Variants in SLC17A4 observed in about 807,000 individuals in gnomAD.
SLC17A4 encodes probable small intestine urate exporter.
Under a neutral mutation model 52.5 loss-of-function variants are expected in SLC17A4, and 33 were observed. The ratio of observed to expected loss-of-function variants is 0.63; its 90% CI spans 0.48 to 0.84. SLC17A4 has a LOEUF of 0.84. Ranked by LOEUF, SLC17A4 falls within the 40% of genes least tolerant of loss-of-function variation. The pLI, the probability that SLC17A4 is intolerant of heterozygous loss-of-function variation, is 0.00. For synonymous variants in SLC17A4, 225 were observed against 216.2 expected (o/e 1.04, Z -0.36); for missense variants, 585 against 597.1 (o/e 0.98, Z 0.21).
intron 3 of SLC17A4, among the ~76,000 whole-genome samples, chr6:25,769,840 C>T (rs144097098): frequency 1.5e-3 from 221 of 151,736 alleles, no homozygotes; most frequent in African/African-American, 4.6e-3. Flanking sequence ...TGTTTCTTTA[C>T]GAACTCTCTT....
At chr6:25,761,893 C>T in intron 1 of SLC17A4, 34 bp from the exon 2 acceptor site, 1 of 1,261,218 alleles carries the variant, frequency 7.9e-7, no homozygotes, top group East Asian at 2.4e-5. Flanking sequence ...ATAAGATTCT[C>T]CCTGTATTTT....
At chr6:25,778,356 CA>C (rs1263659258) in intron 11 of SLC17A4, among the ~76,000 whole-genome samples, 3 of 151,812 alleles carry the variant, frequency 2.0e-5, no homozygotes, top group East Asian at 3.9e-4. Context: ...ACTGGTAAAT[CA>C]GAAAAATAAA....
At chr6:25,777,757 C>A (rs1420452989) in intron 10 of SLC17A4, 169 bp from the exon 11 acceptor site, 4 of 589,180 alleles carry the variant, frequency 6.8e-6, no homozygotes, top group Non-Finnish European at 1.2e-5. Context: ...CAGGTTTCAC[C>A]AAGGCTTACA....
rs1763194651 is a variant in SLC17A4, at chr6:25,779,382, AG to A, written c.*195del. 1.6e-6 allele frequency: 1 copy of A among 625,058 alleles called. No individual in the cohort carries two copies. The highest frequency in any genetic ancestry group is 1.9e-5 in the African/African-American group (1 of 53,576). The allele number at this position is 625,058 out of a possible 1,614,324, so 38.7% of individuals were successfully genotyped here. A position where few individuals can be genotyped will look rare whatever the true frequency, so the allele number is the denominator to read the frequency against. On this transcript the variant is annotated 3_prime_UTR_variant, in exon 12 of 12. Transcript: ENST00000377905. ...AGTTATTTAACTGCAAGCTACTAAA[AG>A]CATAGGTGTGTTGAGATTTCTGTGT...
chr6:25,758,640 C>T (rs1318725922), intron 1 of SLC17A4, among the ~76,000 whole-genome samples: 1 of 152,124 alleles, frequency 6.6e-6, no homozygotes, highest in African/African-American at 2.4e-5. Flanking sequence ...TTTAATATCT[C>T]CCGTTTTGTT....
Position 25,761,881 on chromosome 6 carries a change from A to T in SLC17A4, c.-36-46A>T, listed in dbSNP as rs74768948. 4.6e-4 allele frequency: 523 copies of T among 1,138,192 alleles called. 3 individuals are homozygous for T. The African/African-American group carries it at 7.1e-3, about 15-fold the overall frequency. 70.5% of individuals were successfully genotyped at this position (1,138,192 alleles called of 1,614,324 possible). On this transcript the variant is annotated intron_variant, in intron 1 of 11. Transcript: ENST00000377905. ...TCTTAGAAAGAATTGGGGTAATATC[A>T]TATAAGATTCTCCCTGTATTTTCTT...
At chr6:25,766,305 A>G (rs143023883) in intron 2 of SLC17A4, among the ~76,000 whole-genome samples, 1,936 of 152,168 alleles carry the variant, frequency 0.013, 19 homozygotes, top group Non-Finnish European at 0.014. Context: ...AAACAAATAT[A>G]TTCTAGTAGT....
chr6:25,778,129 A>C (rs1257126581), intron 11 of SLC17A4, 113 bp downstream of exon 11: 6 of 659,234 alleles, frequency 9.1e-6, no homozygotes, highest in Non-Finnish European at 1.5e-5. Context: ...GTCAAAAATA[A>C]ACTAATTTAC....
chr6:25,764,470 C>T (rs1039917963), intron 2 of SLC17A4, among the ~76,000 whole-genome samples: 2 of 152,204 alleles, frequency 1.3e-5, no homozygotes, highest in African/African-American at 4.8e-5. Context: ...TGAGAAAGTA[C>T]TTCCAACTAG....
intron 1 of SLC17A4, among the ~76,000 whole-genome samples, chr6:25,757,373 G>A (rs916587371): frequency 5.3e-5 from 8 of 151,808 alleles, no homozygotes; most frequent in Admixed American, 3.3e-4. Flanking sequence ...CTTTACATCT[G>A]CTTGGTGCTG....
chr6:25,774,744 G>C (rs1762757465), intron 8 of SLC17A4, among the ~76,000 whole-genome samples: 1 of 152,210 alleles, frequency 6.6e-6, no homozygotes, highest in Non-Finnish European at 1.5e-5. Flanking sequence ...ATGGGAAAAT[G>C]AATGGAAAGA....
chr6:25,772,290 T>C (rs1046745499), intron 6 of SLC17A4, among the ~76,000 whole-genome samples: 4 of 152,190 alleles, frequency 2.6e-5, no homozygotes, highest in African/African-American at 9.6e-5. Flanking sequence ...AATATTAACA[T>C]CCTCCAACCC....
chr6:25,769,190 G>C lies in SLC17A4; in HGVS notation c.297G>C (p.Met99Ile). ...AAACTCTAAAAGAATTTAAAGCAAT[G>C]GTAAGTTTAATGAGACTCTGGACTC... ...WNETLKEFKA[M>I]APAYDWSPEI... Residue 99 changes from methionine (M) to isoleucine (I), a missense_variant and splice_region_variant, in exon 3 of 12, where the codon ATG becomes ATC. Coordinates refer to ENST00000377905, the MANE Select transcript of SLC17A4 (RefSeq NM_005495.3). 1 of 1,613,120 alleles carries C rather than the reference G, an allele frequency of 6.2e-7. No homozygotes were observed. The highest frequency in any genetic ancestry group is 8.5e-7 in the Non-Finnish European group (1 of 1,179,278).
chr6:25,775,176 C>T (rs1762800822), intron 8 of SLC17A4, among the ~76,000 whole-genome samples: 1 of 151,836 alleles, frequency 6.6e-6, no homozygotes, highest in African/African-American at 2.4e-5. Flanking sequence ...ACTAAAACTA[C>T]AAAAAATTAG....
Position 25,761,938 on chromosome 6 carries a change from C to G in SLC17A4, c.-25C>G, listed in dbSNP as rs759145468. On this transcript the variant is annotated 5_prime_UTR_variant, in exon 2 of 12. Coordinates refer to ENST00000377905, the MANE Select transcript of SLC17A4 (RefSeq NM_005495.3). ...TCTTTTTATTTCAGTAAGTAAATGC[C>G]AGTCCCTAGGAAGAGAGAACCAAAA... The G allele has an allele frequency of 1.7e-5, 27 of 1,584,544 alleles. No homozygotes were observed. The Admixed American group carries it at 2.5e-4, about 15-fold the overall frequency.
In SLC17A4 at chr6:25,770,075, A is replaced by G. The variant is rs769520943; in HGVS notation, c.306A>G (p.Ala102=). The part of the protein sequence containing the change: ...TLKEFKAMAP[A]YDWSPEIQGI... ...CTCTCTTTGTCATCTAGGCCCCTGC[A>G]TATGACTGGAGTCCTGAAATCCAGG... Residue 102 remains alanine, a synonymous_variant, in exon 4 of 12, where the codon GCA becomes GCG. Coordinates refer to ENST00000377905, the MANE Select transcript of SLC17A4 (RefSeq NM_005495.3). 14 of 1,613,864 alleles carry G rather than the reference A, an allele frequency of 8.7e-6. No individual in the cohort carries two copies. In the East Asian group the frequency reaches 3.1e-4, roughly 36 times the overall value.
Position 25,780,836 on chromosome 6 carries a change from G to A in SLC17A4, c.*1648G>A, listed in dbSNP as rs557140161. On this transcript the variant is annotated 3_prime_UTR_variant, in exon 12 of 12. Transcript: ENST00000377905. ...ATTTGATTTAGGGAATAAACCTGAC[G>A]GGTCCTATTACTAAGTGAGAGAGTG... The A allele has an allele frequency of 1.3e-5, 2 of 152,244 alleles. No individual in the cohort carries two copies. Among genetic ancestry groups the A allele is most frequent in the South Asian group, 2.1e-4 (1 of 4,816 alleles). The allele number at this position is 152,244 out of a possible 1,614,324, so 9.4% of individuals were successfully genotyped here.
chr6:25,759,354 T>G (rs1429722980), intron 1 of SLC17A4, among the ~76,000 whole-genome samples: 2 of 152,234 alleles, frequency 1.3e-5, no homozygotes, highest in Admixed American at 6.5e-5. Context: ...GTTTCTTTGC[T>G]GACTTTCTGT....
intron 8 of SLC17A4, 143 bp from the exon 9 acceptor site, chr6:25,776,452 C>A: frequency 1.1e-6 from 1 of 945,326 alleles, no homozygotes; most frequent in Non-Finnish European, 1.5e-6. Flanking sequence ...AGTATATTGG[C>A]TCATTATAGT....
Sources: allele counts gnomAD v4.1 joint callset (sites outside exome capture counted in the v4.1 genomes callset), GRCh38; gene constraint gnomAD v4.1.1; transcripts MANE v1.5; gene names NCBI Gene and HGNC (gene_info 2026-07-23, HGNC 2026-07-21).